Variants in BRPF1 observed in about 807,000 individuals in gnomAD.
The protein encoded by BRPF1 is bromodomain and PHD finger containing 1.
A neutral mutation model predicts 115.0 loss-of-function variants in BRPF1; 15 were observed. The observed-to-expected ratio is 0.13, with a 90% confidence interval of 0.09 to 0.20. BRPF1 has a LOEUF of 0.20. BRPF1 is among the 10% of genes least tolerant of loss of function. The pLI is 1.00. For synonymous variants in BRPF1, 647 were observed against 619.8 expected, an observed-to-expected ratio of 1.04 and a Z score of -0.65; for missense variants, 1,118 against 1,638.3, an observed-to-expected ratio of 0.68 and a Z score of 5.48.
At chr3:9,746,208 C>A in intron 12 of BRPF1, 92 bp from the exon 13 acceptor site, 1 of 1,428,034 alleles carries the variant, frequency 7.0e-7, no homozygotes, top group Admixed American at 2.4e-5. Flanking sequence ...CCCTCTCTGT[C>A]CCCACTTCAG....
chr3:9,745,806 G>A lies in BRPF1; in HGVS notation c.3206-6G>A. On this transcript the variant is annotated splice_polypyrimidine_tract_variant and splice_region_variant and intron_variant, in intron 11 of 13. Transcript: ENST00000383829. The surrounding 1 kb of genome is among the most constrained non-coding windows in gnomAD (Gnocchi z 5.1). Reference sequence around the variant, plus strand: ...GATCCACCCCCTCTCCCCCATTCCTGTGAAGTGGTAAGGAAGAGTCTGGGC... The same window carrying A: ...GATCCACCCCCTCTCCCCCATTCCTATGAAGTGGTAAGGAAGAGTCTGGGC... 2 of 1,613,482 alleles carry A rather than the reference G, an allele frequency of 1.2e-6. No homozygotes were observed. The highest frequency in any genetic ancestry group is 1.7e-6 in the Non-Finnish European group (2 of 1,179,548).
rs925660612 is a variant in BRPF1, at chr3:9,740,698, A to C, written c.1560-81A>C. ...CCTCTCCCTTCATCCCCATTCAGGA[A>C]CTTTCACTGGCCAGAGACCCTTGCT... On this transcript the variant is annotated intron_variant, in intron 3 of 13. Coordinates refer to ENST00000383829, the MANE Select transcript of BRPF1 (RefSeq NM_001003694.2). 2.3e-5 allele frequency: 36 copies of C among 1,537,218 alleles called. No individual in the cohort carries two copies. In the African/African-American group the frequency reaches 4.9e-4, roughly 21 times the overall value.
chr3:9,744,419 C>G lies in BRPF1; in HGVS notation c.2831C>G (p.Ser944Cys). ...CCCCCCCAGCTCCCCATCATGAGTT[C>G]CCTGCGTCAGCGCAAGCGGGGTAGG... ...VGPPQLPIMS[S>C]LRQRKRGRSP... Residue 944 changes from serine to cysteine, a missense_variant, in exon 9 of 14, where the codon TCC becomes TGC. This residue lies in a region of BRPF1 where 92 missense variants were observed against 102.2 expected (regional missense o/e 0.90). Transcript: ENST00000383829. 6.2e-7 allele frequency: 1 copy of G among 1,611,654 alleles called. No homozygotes were observed. Among genetic ancestry groups the G allele is most frequent in the Non-Finnish European group, 8.5e-7 (1 of 1,178,986 alleles).
chr3:9,739,956 C>T lies in BRPF1; in HGVS notation c.1557C>T (p.His519=). The T allele has an allele frequency of 6.4e-7, 1 of 1,574,498 alleles. No individual in the cohort carries two copies. Among genetic ancestry groups the T allele is most frequent in the Non-Finnish European group, 8.6e-7 (1 of 1,160,088 alleles). The part of the protein sequence containing the change: ...PVVSVPCIPP[H]RLSKITNRLT... ...TGTCAGTGCCCTGCATCCCACCACA[C>T]AGGTATGTGGGGAGCCGGTGGACAG... Residue 519 remains histidine, a splice_region_variant and synonymous_variant, in exon 3 of 14, where the codon CAC becomes CAT. Coordinates refer to ENST00000383829, the MANE Select transcript of BRPF1 (RefSeq NM_001003694.2).
At chr3:9,733,739 GA>G (rs1433999465) in intron 1 of BRPF1, among the ~76,000 whole-genome samples, 6 of 152,300 alleles carry the variant, frequency 3.9e-5, no homozygotes, top group African/African-American at 9.6e-5. Flanking sequence ...CTTGTAAAAA[GA>G]AAGGAGGACT....
intron 3 of BRPF1, 25 bp downstream of exon 3, chr3:9,739,983 C>T: frequency 1.3e-6 from 2 of 1,534,392 alleles, no homozygotes; most frequent in Admixed American, 4.1e-5. Context: ...GGTGGACAGG[C>T]AGATGAGGGA....
At position 9,743,343 on chromosome 3, in the gene BRPF1, G is replaced by A; in HGVS notation, c.2311+90G>A. The A allele has an allele frequency of 1.3e-6, 2 of 1,484,624 alleles. No individual in the cohort carries two copies. The highest frequency in any genetic ancestry group is 1.3e-5 in the South Asian group (1 of 74,228). 92.0% of individuals were successfully genotyped at this position (1,484,624 alleles called of 1,614,324 possible). A position where few individuals can be genotyped will look rare whatever the true frequency, so the allele number is the denominator to read the frequency against. ...CCCCTCCTGGGAGCAGGCAGTGTAG[G>A]CAGAAAGCAGCTAGGCTGAGCAGTG... On this transcript the variant is annotated intron_variant, in intron 7 of 13. Transcript: ENST00000383829. The surrounding 1 kb of genome is among the most constrained non-coding windows in gnomAD (Gnocchi z 6.1).
chr3:9,737,151 G>A (rs894876710), intron 2 of BRPF1, among the ~76,000 whole-genome samples: 3 of 152,306 alleles, frequency 2.0e-5, no homozygotes, highest in Admixed American at 6.5e-5. Flanking sequence ...AAAGGAAGAA[G>A]CTGCTTCCTA....
Position 9,741,391 on chromosome 3 carries a change from G to T in BRPF1, c.1806G>T (p.Arg602=). Reference sequence around the variant, plus strand: ...TCCGGCATGACTTGGAGCGAGCTCGGCTGCTCGTGGAATTGATCCGCAAGC... The same window carrying T: ...TCCGGCATGACTTGGAGCGAGCTCGTCTGCTCGTGGAATTGATCCGCAAGC... The part of the protein sequence containing the change: ...QRLRHDLERA[R]LLVELIRKRE... Residue 602 remains arginine, a synonymous_variant, in exon 5 of 14, where the codon CGG becomes CGT. Transcript: ENST00000383829. The T allele has an allele frequency of 6.2e-7, 1 of 1,608,804 alleles. No individual in the cohort carries two copies.
intron 6 of BRPF1, chr3:9,742,455 C>G (rs776103701): frequency 4.1e-6 from 4 of 985,410 alleles, no homozygotes; most frequent in African/African-American, 1.7e-5. Context: ...GTGCTGAACC[C>G]TAGAACGGAG....
intron 5 of BRPF1, 56 bp from the exon 6 acceptor site, chr3:9,741,968 AC>A: frequency 6.2e-7 from 1 of 1,602,002 alleles, no homozygotes; most frequent in Non-Finnish European, 8.5e-7. Flanking sequence ...ATATCCTCAG[AC>A]CTCTTTGCCA....
Position 9,747,572 on chromosome 3 carries a change from A to G in BRPF1, c.*223A>G, listed in dbSNP as rs1265085068. 2 of 483,664 alleles carry G rather than the reference A, an allele frequency of 4.1e-6. No homozygotes were observed. The highest frequency in any genetic ancestry group is 7.3e-6 in the Non-Finnish European group (2 of 274,006). The allele number at this position is 483,664 out of a possible 1,614,324, so 30.0% of individuals were successfully genotyped here. A position where few individuals can be genotyped will look rare whatever the true frequency, so the allele number is the denominator to read the frequency against. ...TTCAGCGCAAGGAGAGGGAGGGCCC[A>G]CAGGTCAGAAAAAGCTCCAGAGACC... On this transcript the variant is annotated 3_prime_UTR_variant, in exon 14 of 14. Coordinates refer to ENST00000383829, the MANE Select transcript of BRPF1 (RefSeq NM_001003694.2). This position sits in a 1 kb window ranked among gnomAD's most constrained non-coding sequence, Gnocchi z 5.6.
Position 9,741,909 on chromosome 3 carries a change from C to G in BRPF1, c.1855-116C>G, listed in dbSNP as rs150619574. The G allele has an allele frequency of 2.7e-4, 327 of 1,218,450 alleles. No homozygotes were observed. The African/African-American group carries it at 4.5e-3, about 17-fold the overall frequency. 75.5% of individuals were successfully genotyped at this position (1,218,450 alleles called of 1,614,324 possible). The stretch of plus-strand genomic sequence containing the variant: ...AGAAGGTAGACCTGTATGAGTACAC[C>G]CAGCTGTGAGGGTGGGAAAGAAGGC... On this transcript the variant is annotated intron_variant, in intron 5 of 13. Coordinates refer to ENST00000383829, the MANE Select transcript of BRPF1 (RefSeq NM_001003694.2).
intron 4 of BRPF1, 32 bp from the exon 5 acceptor site, chr3:9,741,276 A>G (rs1261608861): frequency 2.0e-6 from 3 of 1,536,600 alleles, no homozygotes; most frequent in East Asian, 2.3e-5. Flanking sequence ...TGGCTTTCTA[A>G]TCATCCTCTG....
At chr3:9,741,262 C>T in intron 4 of BRPF1, 46 bp from the exon 5 acceptor site, 1 of 1,528,054 alleles carries the variant, frequency 6.5e-7, no homozygotes, top group East Asian at 2.3e-5. Context: ...GTTGACCTTT[C>T]CTCTGGCTTT....
chr3:9,736,120 G>A (rs966542616), intron 2 of BRPF1, among the ~76,000 whole-genome samples: 2 of 137,230 alleles, frequency 1.5e-5, no homozygotes, highest in Non-Finnish European at 1.5e-5. Flanking sequence ...CAATTCTCAC[G>A]CCTCAGCCTC....
At chr3:9,742,867 G>T in intron 6 of BRPF1, 77 bp from the exon 7 acceptor site, 14 of 1,481,480 alleles carry the variant, frequency 9.5e-6, no homozygotes, top group South Asian at 5.2e-5. Context: ...TGTGTTTCAG[G>T]GGGGCTTGTT....
Position 9,734,504 on chromosome 3 carries a change from G to A in BRPF1, c.364G>A (p.Asp122Asn), listed in dbSNP as rs1559654714. Reference sequence around the variant, plus strand: ...TGACAACCTGGATGTGGTGTCAGAGGATGAGGAAGCCCCCGAGGAGGCCCC... The same window carrying A: ...TGACAACCTGGATGTGGTGTCAGAGAATGAGGAAGCCCCCGAGGAGGCCCC... Reference protein sequence around the residue: ...IFDNLDVVSEDEEAPEEAPEN... With the variant: ...IFDNLDVVSENEEAPEEAPEN... Residue 122 changes from aspartate to asparagine, a missense_variant, in exon 2 of 14, where the codon GAT (aspartate) becomes AAT (asparagine). Physicochemically the swap from Asp to Asn is conservative, Grantham distance 23 (BLOSUM62 1). Coordinates refer to ENST00000383829, the MANE Select transcript of BRPF1 (RefSeq NM_001003694.2). This position sits in a 1 kb window ranked among gnomAD's most constrained non-coding sequence, Gnocchi z 5.7. The A allele has an allele frequency of 2.5e-6, 4 of 1,614,154 alleles. No individual in the cohort carries two copies. Among genetic ancestry groups the A allele is most frequent in the Non-Finnish European group, 2.5e-6 (3 of 1,180,032 alleles).
At position 9,740,888 on chromosome 3, in the gene BRPF1, C is replaced by T. The variant is rs1251766622; in HGVS notation, c.1669C>T (p.Leu557=). Residue 557 remains leucine, a synonymous_variant, in exon 4 of 14, where the codon CTA becomes TTA. Transcript: ENST00000383829. ...KRQSRNGVPL[L]RRLQTHLQSQ... Reference sequence around the variant, plus strand: ...GCAGTCACGGAATGGGGTCCCATTGCTACGTCGCCTGCAGACACACCTGCA... The same window carrying T: ...GCAGTCACGGAATGGGGTCCCATTGTTACGTCGCCTGCAGACACACCTGCA... 6.2e-7 allele frequency: 1 copy of T among 1,613,950 alleles called. No individual in the cohort carries two copies. Among genetic ancestry groups the T allele is most frequent in the Admixed American group, 1.7e-5 (1 of 60,030 alleles).
Sources: allele counts gnomAD v4.1 joint callset (sites outside exome capture counted in the v4.1 genomes callset), GRCh38; gene constraint gnomAD v4.1.1; regional missense constraint gnomAD v4.1.1; non-coding constraint Gnocchi (gnomAD v3.1); transcripts MANE v1.5; gene names NCBI Gene and HGNC (gene_info 2026-07-23, HGNC 2026-07-21).